The following KLHL36 variants were observed in gnomAD, a reference collection of about 807,000 sequenced individuals.
KLHL36 encodes kelch-like protein 36.
A neutral mutation model predicts 53.3 loss-of-function variants in KLHL36; 35 were observed. The ratio of observed to expected loss-of-function variants is 0.66; its 90% CI spans 0.50 to 0.87. KLHL36 has a LOEUF of 0.87. Ranked by LOEUF, KLHL36 falls within the 40% of genes least tolerant of loss-of-function variation. The probability of loss-of-function intolerance (pLI) is 0.00; values close to 1 mark genes in which losing one functional copy is unlikely to be tolerated. For synonymous variants in KLHL36, 472 were observed against 398.9 expected, an observed-to-expected ratio of 1.18 and a Z score of -2.18; for missense variants, 864 against 897.6, an observed-to-expected ratio of 0.96 and a Z score of 0.48.
Position 84,657,123 on chromosome 16 carries a change from G to A in KLHL36, c.316G>A (p.Gly106Ser), listed in dbSNP as rs777027177. The part of the protein sequence containing the change: ...GLKAVVDFLY[G>S]GELVLDGGNI... ...CAAGGCCGTGGTGGACTTCCTGTAC[G>A]GCGGGGAGCTGGTGCTGGATGGCGG... Residue 106 changes from glycine to serine, a missense_variant, in exon 3 of 5, where the codon GGC becomes AGC. Coordinates refer to ENST00000564996, the MANE Select transcript of KLHL36 (RefSeq NM_024731.4). 37 of 1,614,180 alleles carry A rather than the reference G, an allele frequency of 2.3e-5. No homozygotes were observed. The highest frequency in any genetic ancestry group is 2.1e-4 in the African/African-American group (16 of 75,058).
Position 84,657,637 on chromosome 16 carries a change from T to C in KLHL36, c.830T>C (p.Leu277Pro). The C allele has an allele frequency of 6.2e-7, 1 of 1,611,916 alleles. No homozygotes were observed. The highest frequency in any genetic ancestry group is 1.1e-5 in the South Asian group (1 of 91,032). ...GAGGCCGTGCGCTACCACAACAACC[T>C]GGCGGCCCAGCCCGTCATGCAGACC... ...IEEAVRYHNN[L>P]AAQPVMQTKR... The change falls in exon 3 of 5, where the codon CTG becomes CCG. Residue 277 changes from leucine (L) to proline (P), a missense_variant. By Grantham distance (98) the Leu-to-Pro change is moderately conservative. Coordinates refer to ENST00000564996, the MANE Select transcript of KLHL36 (RefSeq NM_024731.4).
intron 2 of KLHL36, among the ~76,000 whole-genome samples, chr16:84,653,036 G>A (rs560810007): frequency 1.3e-5 from 2 of 152,106 alleles, no homozygotes; most frequent in South Asian, 4.2e-4. Context: ...GGACAACACG[G>A]CTAAACCTCA....
chr16:84,660,312 C>A (rs1597223063), intron 4 of KLHL36, among the ~76,000 whole-genome samples: 1 of 152,156 alleles, frequency 6.6e-6, no homozygotes, highest in Admixed American at 6.5e-5. Context: ...AGTTCCTCAT[C>A]TGTAGAGGTA....
intron 1 of KLHL36, among the ~76,000 whole-genome samples, chr16:84,650,380 G>A (rs1330492047): frequency 4.6e-5 from 7 of 152,158 alleles, no homozygotes; most frequent in African/African-American, 7.2e-5. Flanking sequence ...AGACCGAGGC[G>A]TGATTCTCGG....
intron 1 of KLHL36, among the ~76,000 whole-genome samples, chr16:84,650,370 A>G (rs1906785416): frequency 6.6e-6 from 1 of 152,196 alleles, no homozygotes. Flanking sequence ...GAAGCTGGAC[A>G]GACCGAGGCG....
In KLHL36 at chr16:84,662,165, C is replaced by T. The variant is rs375288537; in HGVS notation, c.*32C>T. On this transcript the variant is annotated 3_prime_UTR_variant, in exon 5 of 5. Coordinates refer to ENST00000564996, the MANE Select transcript of KLHL36 (RefSeq NM_024731.4). ...CTGCGCCTCTTGGGACCATCCTCAC[C>T]GTCACCTCCCAGGGCTCTGTAGACC... The T allele has an allele frequency of 3.5e-5, 52 of 1,473,330 alleles. No individual in the cohort carries two copies. The highest frequency in any genetic ancestry group is 9.2e-5 in the South Asian group (7 of 76,396). 91.3% of individuals were successfully genotyped at this position (1,473,330 alleles called of 1,614,324 possible). A position where few individuals can be genotyped will look rare whatever the true frequency, so the allele number is the denominator to read the frequency against.
In KLHL36 at chr16:84,657,273, T is replaced by C; in HGVS notation, c.466T>C (p.Ser156Pro). The stretch of plus-strand genomic sequence containing the variant: ...CTACCTGTACCTGCAGGAGCTGGCC[T>C]CCATCTACAGCCTCAAGCGGCTTGA... ...DNYLYLQELA[S>P]IYSLKRLDAF... Residue 156 changes from serine to proline, a missense_variant, in exon 3 of 5, where the codon TCC (serine) becomes CCC (proline). By Grantham distance (74) the Ser-to-Pro change is moderately conservative. Transcript: ENST00000564996. 1.2e-6 allele frequency: 2 copies of C among 1,614,126 alleles called. No individual in the cohort carries two copies. The highest frequency in any genetic ancestry group is 1.7e-6 in the Non-Finnish European group (2 of 1,180,034).
At chr16:84,651,853 A>G (rs1245296661) in intron 2 of KLHL36, among the ~76,000 whole-genome samples, 1 of 152,216 alleles carries the variant, frequency 6.6e-6, no homozygotes, top group Non-Finnish European at 1.5e-5. Context: ...AAAAATCTTA[A>G]AAGCCTTCTT....
chr16:84,661,669 C>G lies in KLHL36; in HGVS notation c.1387C>G (p.Leu463Val). The change falls in exon 5 of 5, where the codon CTG becomes GTG. Residue 463 changes from leucine to valine, a missense_variant. By Grantham distance (32) the Leu-to-Val change is conservative. Transcript: ENST00000564996. This position sits in a 1 kb window ranked among gnomAD's most constrained non-coding sequence, Gnocchi z 7.9. ...DYQIGPYRKN[L>V]LCYDHRTDVW... is the part of the protein sequence containing the mutation. ...CCAAATTGGCCCCTACCGCAAGAAC[C>G]TGCTATGCTACGACCACCGGACAGA... The G allele has an allele frequency of 6.2e-7, 1 of 1,613,588 alleles. No individual in the cohort carries two copies. The highest frequency in any genetic ancestry group is 8.5e-7 in the Non-Finnish European group (1 of 1,179,920).
Position 84,661,742 on chromosome 16 carries a change from G to A in KLHL36, c.1460G>A (p.Ser487Asn). 6.2e-7 allele frequency: 1 copy of A among 1,613,504 alleles called. No individual in the cohort carries two copies. Among genetic ancestry groups the A allele is most frequent in the Non-Finnish European group, 8.5e-7 (1 of 1,179,940 alleles). Residue 487 changes from serine (S) to asparagine (N), a missense_variant, in exon 5 of 5, where the codon AGC becomes AAC. By Grantham distance (46) the Ser-to-Asn change is conservative (BLOSUM62 1). Coordinates refer to ENST00000564996, the MANE Select transcript of KLHL36 (RefSeq NM_024731.4). The surrounding 1 kb of genome is among the most constrained non-coding windows in gnomAD (Gnocchi z 7.9). ...RPMTTARGWHSMCSLGDSIYS... is the reference protein window; with the variant it reads ...RPMTTARGWHNMCSLGDSIYS... ...ATGACCACGGCGCGCGGCTGGCACA[G>A]CATGTGCAGCCTGGGTGACAGCATC...
In KLHL36 at chr16:84,661,176, C is replaced by T. The variant is rs1330113870; in HGVS notation, c.1296-402C>T. Among the ~76,000 whole-genome samples the T allele has an allele frequency of 1.3e-5, 2 of 152,192 alleles. No individual in the cohort carries two copies. The highest frequency in any genetic ancestry group is 4.8e-5 in the African/African-American group (2 of 41,438). On this transcript the variant is annotated intron_variant, in intron 4 of 4. Transcript: ENST00000564996. This position sits in a 1 kb window ranked among gnomAD's most constrained non-coding sequence, Gnocchi z 7.9. ...GCAAAACTTTTCCCGAGTGCCAGCA[C>T]AGTTAGAATTGGACTGTATGTCGTA...
chr16:84,656,470 A>G (rs1907203228), intron 2 of KLHL36, among the ~76,000 whole-genome samples: 1 of 150,730 alleles, frequency 6.6e-6, no homozygotes, highest in East Asian at 2.0e-4. Flanking sequence ...GGGTTTCACC[A>G]TGTTGGCCAG....
In KLHL36 at chr16:84,657,461, G is replaced by C; in HGVS notation, c.654G>C (p.Leu218=). The C allele has an allele frequency of 6.8e-6, 11 of 1,606,840 alleles. No individual in the cohort carries two copies. The highest frequency in any genetic ancestry group is 9.3e-6 in the Non-Finnish European group (11 of 1,179,938). The change falls in exon 3 of 5, where the codon CTG becomes CTC. Residue 218 remains leucine, a synonymous_variant. Transcript: ENST00000564996. The part of the protein sequence containing the change: ...HDLLQAALQW[L]TQQPEREAHA... Reference sequence around the variant, plus strand: ...TCCTGCAGGCCGCCCTGCAGTGGCTGACGCAGCAGCCCGAGCGCGAGGCCC... The same window carrying C: ...TCCTGCAGGCCGCCCTGCAGTGGCTCACGCAGCAGCCCGAGCGCGAGGCCC...
At position 84,663,769 on chromosome 16, in the gene KLHL36, C is replaced by T. The variant is rs1907690209; in HGVS notation, c.*1636C>T. On this transcript the variant is annotated 3_prime_UTR_variant, in exon 5 of 5. Coordinates refer to ENST00000564996, the MANE Select transcript of KLHL36 (RefSeq NM_024731.4). ...TTTCTTCTGCTTCTTTGCTGCCCCT[C>T]CTTTCCCTTCCCTTCAGGGTTTACT... The T allele has an allele frequency of 1.3e-5, 2 of 152,300 alleles. No individual in the cohort carries two copies. Among genetic ancestry groups the T allele is most frequent in the African/African-American group, 4.8e-5 (2 of 41,450 alleles). The allele number at this position is 152,300 out of a possible 1,614,324, so 9.4% of individuals were successfully genotyped here.
intron 3 of KLHL36, 69 bp from the exon 4 acceptor site, chr16:84,659,691 C>T: frequency 2.0e-6 from 3 of 1,508,320 alleles, no homozygotes; most frequent in Non-Finnish European, 1.8e-6. Context: ...CATTTGGGAA[C>T]CGCAGCGCCA....
At chr16:84,655,239 AC>A (rs1907132082) in intron 2 of KLHL36, among the ~76,000 whole-genome samples, 2 of 152,222 alleles carry the variant, frequency 1.3e-5, no homozygotes, top group Non-Finnish European at 2.9e-5. Context: ...GTTGGAATTG[AC>A]TGGATGTGGA....
At position 84,657,631 on chromosome 16, in the gene KLHL36, A is replaced by G. The variant is rs1385757914; in HGVS notation, c.824A>G (p.Asn275Ser). 3 of 1,611,882 alleles carry G rather than the reference A, an allele frequency of 1.9e-6. No individual in the cohort carries two copies. Among genetic ancestry groups the G allele is most frequent in the Middle Eastern group, 1.7e-4 (1 of 6,060 alleles). The change falls in exon 3 of 5, where the codon AAC becomes AGC. Residue 275 changes from asparagine to serine, a missense_variant. Physicochemically the swap from Asn to Ser is conservative, Grantham distance 46. Transcript: ENST00000564996. ...ATCGAGGAGGCCGTGCGCTACCACA[A>G]CAACCTGGCGGCCCAGCCCGTCATG... is the stretch of plus-strand genomic sequence containing the variant. ...GFIEEAVRYH[N>S]NLAAQPVMQT...
rs1199513863 is a variant in KLHL36 at position 84,648,839 on chromosome 16, C to G, written c.-17+190C>G. On this transcript the variant is annotated intron_variant, in intron 1 of 4. Coordinates refer to ENST00000564996, the MANE Select transcript of KLHL36 (RefSeq NM_024731.4). This position sits in a 1 kb window ranked among gnomAD's most constrained non-coding sequence, Gnocchi z 4.9. ...GCGGCCGGGGGAGGGGCCGCCGCCC[C>G]CGCAGGTGACACAGGTGCGGCCTGT... The G allele has an allele frequency of 1.3e-5, 2 of 150,872 alleles. No individual in the cohort carries two copies. Among genetic ancestry groups the G allele is most frequent in the East Asian group, 3.9e-4 (2 of 5,132 alleles). The allele number at this position is 150,872 out of a possible 1,614,324, so 9.3% of individuals were successfully genotyped here.
intron 3 of KLHL36, chr16:84,658,743 T>C: frequency 6.6e-6 from 1 of 152,376 alleles, no homozygotes. Flanking sequence ...CCCGGGACAG[T>C]CCATCTCAGC....
Sources: allele counts gnomAD v4.1 joint callset (sites outside exome capture counted in the v4.1 genomes callset), GRCh38; gene constraint gnomAD v4.1.1; non-coding constraint Gnocchi (gnomAD v3.1); transcripts MANE v1.5; gene names NCBI Gene and HGNC (gene_info 2026-07-23, HGNC 2026-07-21).